The following CNBD1 variants were observed in gnomAD, a reference collection of about 807,000 sequenced individuals.
The protein encoded by CNBD1 is cyclic nucleotide binding domain containing 1, also known as cyclic nucleotide-binding domain-containing protein 1.
Under a neutral mutation model 54.4 loss-of-function variants are expected in CNBD1, and 71 were observed. That is an observed-to-expected ratio of 1.30 (90% CI 1.08 to 1.59). The LOEUF (loss-of-function observed/expected upper bound fraction) is 1.59, where lower values mean the gene tolerates loss of function less well. Ranked by LOEUF, CNBD1 falls within the 40% of genes most tolerant of loss-of-function variation. The pLI, the probability that CNBD1 is intolerant of heterozygous loss-of-function variation, is 0.00. For synonymous variants in CNBD1, 182 were observed against 170.7 expected (o/e 1.07, Z -0.51); for missense variants, 659 against 518.0 (o/e 1.27, Z -2.64).
intron 2 of CNBD1, among the ~76,000 whole-genome samples, chr8:87,393,427 G>T (rs1352371003): frequency 6.6e-6 from 1 of 151,856 alleles, no homozygotes; most frequent in Non-Finnish European, 1.5e-5. Context: ...GTACACATAT[G>T]CACTAAATTA....
At chr8:86,981,183 G>A (rs1023034350) in intron 4 of CNBD1, among the ~76,000 whole-genome samples, 19 of 152,246 alleles carry the variant, frequency 1.2e-4, no homozygotes, top group East Asian at 3.9e-4. Flanking sequence ...GTGTGCGTGC[G>A]CGCGCGCATT....
chr8:87,067,084 C>T (rs1241793093), intron 4 of CNBD1, among the ~76,000 whole-genome samples: 1 of 151,934 alleles, frequency 6.6e-6, no homozygotes, highest in African/African-American at 2.4e-5. Context: ...ATGTGTGCTG[C>T]CATCATTAGT....
chr8:87,303,281 A>C (rs1202939189), intron 8 of CNBD1, among the ~76,000 whole-genome samples: 1 of 151,962 alleles, frequency 6.6e-6, no homozygotes, highest in Non-Finnish European at 1.5e-5. Flanking sequence ...ACTGGTACCA[A>C]AACAGAGATA....
chr8:86,882,490 A>G (rs1216651527), intron 1 of CNBD1, among the ~76,000 whole-genome samples: 2 of 152,206 alleles, frequency 1.3e-5, no homozygotes, highest in Non-Finnish European at 2.9e-5. Context: ...CACCAGTCAG[A>G]ATAGCTGTTA....
At chr8:87,389,074 T>C (rs979201207) in intron 2 of CNBD1, among the ~76,000 whole-genome samples, 2 of 152,176 alleles carry the variant, frequency 1.3e-5, no homozygotes, top group Non-Finnish European at 2.9e-5. Flanking sequence ...AATCTCTCAA[T>C]AAATTAGGTA....
chr8:87,191,789 G>A (rs1396565325), intron 4 of CNBD1, among the ~76,000 whole-genome samples: 1 of 152,150 alleles, frequency 6.6e-6, no homozygotes, highest in African/African-American at 2.4e-5. Flanking sequence ...ATCTTGACAC[G>A]AAGTAACAGG....
At chr8:87,393,610 AG>A (rs1320436192) in intron 2 of CNBD1, among the ~76,000 whole-genome samples, 1 of 151,880 alleles carries the variant, frequency 6.6e-6, no homozygotes, top group Non-Finnish European at 1.5e-5. Flanking sequence ...ATAAAAAGTA[AG>A]TGACAACCAA....
chr8:87,426,569 T>A (rs1808054739), intron 2 of CNBD1, among the ~76,000 whole-genome samples: 1 of 152,228 alleles, frequency 6.6e-6, no homozygotes, highest in Admixed American at 6.5e-5. Context: ...CCACTTTTAC[T>A]TTTTTATCAA....
In CNBD1 at chr8:87,173,813, A is replaced by C. The variant is rs138910579; in HGVS notation, c.432-32180A>C. Among the ~76,000 whole-genome samples, 31 of 151,948 alleles carry C rather than the reference A, an allele frequency of 2.0e-4. No individual in the cohort carries two copies. The East Asian group carries it at 5.8e-3, about 28-fold the overall frequency. Reference sequence around the variant, plus strand: ...TATTGATAACTTTCTCTAGGTTTGGAAAGTTTCTGTTATTATTTCTTTGAG... The same window carrying C: ...TATTGATAACTTTCTCTAGGTTTGGCAAGTTTCTGTTATTATTTCTTTGAG... On this transcript the variant is annotated intron_variant, in intron 4 of 10. Transcript: ENST00000518476.
chr8:87,402,249 C>T (rs1807577974), intron 2 of CNBD1, among the ~76,000 whole-genome samples: 1 of 151,962 alleles, frequency 6.6e-6, no homozygotes, highest in Non-Finnish European at 1.5e-5. Flanking sequence ...CACCGGGTCC[C>T]TCCCAAAACA....
intron 8 of CNBD1, among the ~76,000 whole-genome samples, chr8:87,345,890 A>G (rs1810165335): frequency 6.6e-6 from 1 of 152,188 alleles, no homozygotes; most frequent in Non-Finnish European, 1.5e-5. Flanking sequence ...TACCTTGCAT[A>G]AAGAGGTGAC....
chr8:87,292,613 T>G (rs1808808535), intron 8 of CNBD1, among the ~76,000 whole-genome samples: 1 of 152,200 alleles, frequency 6.6e-6, no homozygotes, highest in Non-Finnish European at 1.5e-5. Flanking sequence ...ATGAATACTG[T>G]AGATTATATG....
chr8:87,351,382 C>T (rs1810288342), intron 8 of CNBD1, among the ~76,000 whole-genome samples: 2 of 152,180 alleles, frequency 1.3e-5, no homozygotes. Flanking sequence ...GCAAATGCTA[C>T]AGATCAAGGT....
chr8:87,012,585 A>G (rs996337757), intron 4 of CNBD1, among the ~76,000 whole-genome samples: 11 of 152,144 alleles, frequency 7.2e-5, no homozygotes, highest in Admixed American at 2.0e-4. Context: ...GAAATAATCA[A>G]CTAAGAGCCA....
chr8:87,074,647 A>G (rs1036088904), intron 4 of CNBD1, among the ~76,000 whole-genome samples: 1 of 152,084 alleles, frequency 6.6e-6, no homozygotes, highest in Non-Finnish European at 1.5e-5. Flanking sequence ...AGGTCACACA[A>G]TCACCTGCTG....
intron 10 of CNBD1, among the ~76,000 whole-genome samples, chr8:87,369,514 CTTTA>C (rs1205338465): frequency 2.0e-5 from 3 of 151,972 alleles, no homozygotes; most frequent in Non-Finnish European, 4.4e-5. Flanking sequence ...TTCTCTCAGT[CTTTA>C]TTTATCTGGA....
At chr8:87,337,345 C>A (rs1026339031) in intron 8 of CNBD1, among the ~76,000 whole-genome samples, 1 of 152,156 alleles carries the variant, frequency 6.6e-6, no homozygotes, top group East Asian at 1.9e-4. Flanking sequence ...TGCTACCCCT[C>A]CAACTAGGTC....
chr8:86,913,439 AT>A (rs1809134501), intron 3 of CNBD1, among the ~76,000 whole-genome samples: 1 of 152,038 alleles, frequency 6.6e-6, no homozygotes, highest in African/African-American at 2.4e-5. Context: ...CACATAGGTT[AT>A]TTTCTATTTT....
In CNBD1 at chr8:87,188,823, T is replaced by C. The variant is rs1404979981; in HGVS notation, c.432-17170T>C. ...GAATGAACAGACAGTAAAGCGTCTTTTTTTTTTTTTTTTTGGTTGATTTAA... is the reference window on the plus strand; with the variant it reads ...GAATGAACAGACAGTAAAGCGTCTTCTTTTTTTTTTTTTTGGTTGATTTAA... On this transcript the variant is annotated intron_variant, in intron 4 of 10. Coordinates refer to ENST00000518476, the MANE Select transcript of CNBD1 (RefSeq NM_173538.3). 2.5e-5 allele frequency among the ~76,000 whole-genome samples: 3 copies of C among 119,972 alleles called. No individual in the cohort carries two copies. In the East Asian group the frequency reaches 6.0e-4, roughly 24 times the overall value. The allele number at this position is 119,972 out of a possible 152,430, so 78.7% of individuals were successfully genotyped here.
Sources: gnomAD v4.1 joint callset for allele counts (sites outside exome capture counted in the v4.1 genomes callset) on GRCh38, gnomAD v4.1.1 for gene constraint, MANE v1.5 for transcripts, NCBI Gene and HGNC (gene_info 2026-07-23, HGNC 2026-07-21) for gene names.